Variants in RUNX3 observed in about 807,000 individuals in gnomAD.
The protein encoded by RUNX3 is runt-related transcription factor 3.
A neutral mutation model predicts 27.7 loss-of-function variants in RUNX3; 10 were observed. That is an observed-to-expected ratio of 0.36 (90% confidence interval 0.22 to 0.61). The LOEUF is 0.61. Among genes scored for constraint, RUNX3 ranks in the 20% least tolerant of loss-of-function variants. The pLI, the probability that RUNX3 is intolerant of heterozygous loss-of-function variation, is 0.72. For missense variants in RUNX3, 469 were observed against 629.5 expected, an observed-to-expected ratio of 0.75 and a Z score of 2.73; for synonymous variants, 270 against 269.2, an observed-to-expected ratio of 1.00 and a Z score of -0.03.
intron 2 of RUNX3, among the ~76,000 whole-genome samples, chr1:24,920,698 T>G (rs1640981987): frequency 6.6e-6 from 1 of 152,250 alleles, no homozygotes; most frequent in Admixed American, 6.5e-5. Context: ...CTGCACATTT[T>G]GCCTTCACAC....
intron 3 of RUNX3, among the ~76,000 whole-genome samples, chr1:24,918,299 T>C (rs1223379506): frequency 6.6e-6 from 1 of 152,154 alleles, no homozygotes; most frequent in Admixed American, 6.5e-5. Flanking sequence ...GACTGAAGCC[T>C]GGGGCGCCTT....
chr1:24,920,710 C>G (rs1328758763), intron 2 of RUNX3, among the ~76,000 whole-genome samples: 1 of 152,190 alleles, frequency 6.6e-6, no homozygotes, highest in Admixed American at 6.5e-5. Context: ...CCTTCACACG[C>G]TGGGTGGTTT....
chr1:24,926,563 G>C (rs1272440459), intron 2 of RUNX3, among the ~76,000 whole-genome samples: 1 of 152,200 alleles, frequency 6.6e-6, no homozygotes, highest in African/African-American at 2.4e-5. Context: ...CGAACGGCTG[G>C]AAAGGAAAAA....
chr1:24,921,435 C>A (rs1322571208), intron 2 of RUNX3, among the ~76,000 whole-genome samples: 1 of 152,196 alleles, frequency 6.6e-6, no homozygotes, highest in Non-Finnish European at 1.5e-5. Context: ...TCTCTGGAAG[C>A]CTTTTCCTAA....
At chr1:24,932,719 T>A (rs1235629961), upstream of RUNX3, among the ~76,000 whole-genome samples, 1 of 152,118 alleles carries the variant, frequency 6.6e-6, no homozygotes, top group Non-Finnish European at 1.5e-5. Context: ...CCGACAAAAA[T>A]TGTCGTCTGT....
At chr1:24,932,001 G>T (rs1012832539), upstream of RUNX3, among the ~76,000 whole-genome samples, 1 of 152,256 alleles carries the variant, frequency 6.6e-6, no homozygotes, top group Non-Finnish European at 1.5e-5. Context: ...GAACGTCTCC[G>T]AGAAGGCGCA....
intron 2 of RUNX3, among the ~76,000 whole-genome samples, chr1:24,963,585 C>G (rs1214213017): frequency 6.6e-6 from 1 of 152,170 alleles, no homozygotes; most frequent in African/African-American, 2.4e-5. Flanking sequence ...AACTCCCCTC[C>G]TAAGGTCTCT....
chr1:24,918,646 C>T (rs147501527), intron 3 of RUNX3, among the ~76,000 whole-genome samples: 1 of 152,122 alleles, frequency 6.6e-6, no homozygotes, highest in African/African-American at 2.4e-5. Context: ...TCAGCCTACC[C>T]TCCCACTTCC....
At chr1:24,964,727 T>A in intron 1 of RUNX3, 1 of 1,472,324 alleles carries the variant, frequency 6.8e-7, no homozygotes, top group Non-Finnish European at 9.0e-7. Flanking sequence ...TGTTTTTGTC[T>A]CTTTTTTCCC....
At chr1:24,937,634 C>T (rs975978221) in intron 2 of RUNX3, among the ~76,000 whole-genome samples, 5 of 152,250 alleles carry the variant, frequency 3.3e-5, no homozygotes, top group Non-Finnish European at 7.3e-5. Flanking sequence ...GCTCTACATT[C>T]TGCATTATTT....
intron 3 of RUNX3, among the ~76,000 whole-genome samples, chr1:24,911,906 G>A (rs1640804291): frequency 6.6e-6 from 1 of 152,216 alleles, no homozygotes; most frequent in Admixed American, 6.5e-5. Flanking sequence ...CAGACTTCCC[G>A]GAGGAGGGGA....
At chr1:24,918,057 C>G (rs1009687277) in intron 3 of RUNX3, among the ~76,000 whole-genome samples, 1 of 152,174 alleles carries the variant, frequency 6.6e-6, no homozygotes, top group Non-Finnish European at 1.5e-5. Flanking sequence ...TGCCGGGGCT[C>G]AGGGCTGGCA....
intron 2 of RUNX3, among the ~76,000 whole-genome samples, chr1:24,940,084 G>A (rs146889159): frequency 1.1e-4 from 17 of 152,296 alleles, no homozygotes; most frequent in Admixed American, 4.6e-4. Flanking sequence ...GGGGGTAAGA[G>A]CTCCTCTGGC....
upstream of RUNX3, among the ~76,000 whole-genome samples, chr1:24,934,395 A>G (rs1219195295): frequency 6.6e-6 from 1 of 151,968 alleles, no homozygotes; most frequent in Non-Finnish European, 1.5e-5. Flanking sequence ...GGAAAGTTCC[A>G]GACTTGGAGG....
intron 2 of RUNX3, among the ~76,000 whole-genome samples, chr1:24,948,758 G>C (rs1477140928): frequency 2.0e-5 from 3 of 151,870 alleles, no homozygotes; most frequent in Non-Finnish European, 2.9e-5. Context: ...GTGTGCATGT[G>C]GGGGAGGGGC....
exon 2 of RUNX3, chr1:24,964,554 G>T (rs2124399478): frequency 6.2e-7 from 1 of 1,611,256 alleles, no homozygotes; most frequent in Non-Finnish European, 8.5e-7. Context: ...AGGAGTCGAA[G>T]ATGCTGTTCG....
chr1:24,930,687 C>T (rs777336206), upstream of RUNX3, among the ~76,000 whole-genome samples: 2 of 152,220 alleles, frequency 1.3e-5, no homozygotes, highest in South Asian at 4.1e-4. The surrounding 1 kb of genome is among the most constrained non-coding windows in gnomAD (Gnocchi z 4.1). Flanking sequence ...TTCTGCAACC[C>T]CGGGCTGGGG....
rs993691846 is a variant in RUNX3, at chr1:24,900,881, G to A, written c.*1241C>T. 4.6e-5 allele frequency: 7 copies of A among 152,044 alleles called. No homozygotes were observed. Among genetic ancestry groups the A allele is most frequent in the African/African-American group, 7.3e-5 (3 of 41,358 alleles). The allele number at this position is 152,044 out of a possible 1,614,324, so 9.4% of individuals were successfully genotyped here. ...CCTCAGGAGGCAGCTGGGGGTCCGC[G>A]GGGGGGAGAGGGGGCGGGGATGTTG... On this transcript the variant is annotated 3_prime_UTR_variant, in exon 5 of 5. Coordinates refer to ENST00000308873, the MANE Select transcript of RUNX3 (RefSeq NM_004350.3).
intron 2 of RUNX3, among the ~76,000 whole-genome samples, chr1:24,956,522 A>G (rs1641930198): frequency 1.3e-5 from 2 of 152,302 alleles, no homozygotes; most frequent in South Asian, 4.1e-4. Flanking sequence ...TGGGGGCACC[A>G]GGCTCTCTCC....
Sources: gnomAD v4.1 joint callset for allele counts (sites outside exome capture counted in the v4.1 genomes callset) on GRCh38, gnomAD v4.1.1 for gene constraint, Gnocchi (gnomAD v3.1) non-coding constraint, MANE v1.5 for transcripts, NCBI Gene and HGNC (gene_info 2026-07-23, HGNC 2026-07-21) for gene names.